Variants in DPP10 observed in about 807,000 individuals in gnomAD.
The protein encoded by DPP10 is dipeptidyl peptidase like 10.
Under a neutral mutation model 120.9 loss-of-function variants are expected in DPP10, and 33 were observed. The observed-to-expected ratio is 0.27, with a 90% CI of 0.21 to 0.37. DPP10 has a LOEUF of 0.37. Among genes scored for constraint, DPP10 ranks in the 10% least tolerant of loss-of-function variants. The probability of loss-of-function intolerance (pLI) is 1.00; values close to 1 mark genes in which losing one functional copy is unlikely to be tolerated. For synonymous variants in DPP10, 337 were observed against 326.1 expected (o/e 1.03, Z -0.36); for missense variants, 816 against 942.8 (o/e 0.87, Z 1.76).
intron 1 of DPP10, among the ~76,000 whole-genome samples, chr2:114,964,758 G>C (rs1171051724): frequency 3.9e-5 from 6 of 152,114 alleles, no homozygotes; most frequent in Non-Finnish European, 8.8e-5. Flanking sequence ...TGAAGGTTTT[G>C]GCTTTTCCTC....
At chr2:114,765,826 A>T (rs569061070) in intron 1 of DPP10, among the ~76,000 whole-genome samples, 1 of 152,264 alleles carries the variant, frequency 6.6e-6, no homozygotes, top group South Asian at 2.1e-4. Flanking sequence ...TTTGATTCAG[A>T]TCTACAAAGG....
At chr2:115,066,104 A>T (rs1706813004) in intron 1 of DPP10, among the ~76,000 whole-genome samples, 1 of 152,208 alleles carries the variant, frequency 6.6e-6, no homozygotes, top group Admixed American at 6.5e-5. Context: ...CCTAAGATAA[A>T]CATTAAATAT....
At chr2:114,485,199 A>G (rs1476834101) in intron 1 of DPP10, among the ~76,000 whole-genome samples, 1 of 152,154 alleles carries the variant, frequency 6.6e-6, no homozygotes, top group African/African-American at 2.4e-5. Flanking sequence ...TCAAAAGACA[A>G]AATTACAACA....
In DPP10 at chr2:115,492,434, G is replaced by C. The variant is rs1167333315; in HGVS notation, c.272-7076G>C. On this transcript the variant is annotated intron_variant, in intron 3 of 25. Transcript: ENST00000410059. ...GCATACTTTGTGATTAAGAGTTTAG[G>C]ATAGGTGAATTGAGGGATGTGAGTG... Among the ~76,000 whole-genome samples the C allele has an allele frequency of 2.6e-5, 4 of 152,048 alleles. No homozygotes were observed. In the South Asian group the frequency reaches 6.2e-4, roughly 24 times the overall value.
intron 5 of DPP10, among the ~76,000 whole-genome samples, chr2:115,629,057 C>T (rs531947664): frequency 2.3e-4 from 35 of 152,166 alleles, no homozygotes; most frequent in Non-Finnish European, 4.4e-4. Context: ...TGAGTGAGAA[C>T]ATGCGGTGTT....
chr2:115,316,461 G>A (rs981789890), intron 2 of DPP10, among the ~76,000 whole-genome samples: 1 of 152,076 alleles, frequency 6.6e-6, no homozygotes, highest in African/African-American at 2.4e-5. Context: ...AAAAGGGAAG[G>A]CATAGCAGAG....
intron 5 of DPP10, among the ~76,000 whole-genome samples, chr2:115,574,593 A>G (rs150889222): frequency 3.3e-5 from 5 of 152,294 alleles, no homozygotes; most frequent in African/African-American, 1.2e-4. Flanking sequence ...TGTGCTTCCA[A>G]ATTTGTACTA....
intron 5 of DPP10, among the ~76,000 whole-genome samples, chr2:115,609,319 C>G (rs2083929079): frequency 6.6e-6 from 1 of 151,860 alleles, no homozygotes; most frequent in Admixed American, 6.6e-5. Context: ...TCTCAGGAAA[C>G]TACTAGACAA....
At chr2:114,617,451 GAA>G (rs1377828317) in intron 1 of DPP10, among the ~76,000 whole-genome samples, 3 of 152,030 alleles carry the variant, frequency 2.0e-5, no homozygotes, top group Non-Finnish European at 2.9e-5. Flanking sequence ...TAAATTTGGA[GAA>G]AATATATTAA....
rs1706465613 is a variant in DPP10 at position 115,062,158 on chromosome 2, G to GTGTGTC, written c.61-247076_61-247075insCTGTGT. On this transcript the variant is annotated intron_variant, in intron 1 of 25. Transcript: ENST00000410059. ...TGTGTGTGTGTGTGTGTGTGTGTGT[G>GTGTGTC]TGTGTGTGTGTATGTGTGTGCATGG... Among the ~76,000 whole-genome samples the GTGTGTC allele has an allele frequency of 4.4e-5, 6 of 136,640 alleles. No homozygotes were observed. The South Asian group carries it at 8.8e-4, about 20-fold the overall frequency. 89.6% of individuals were successfully genotyped at this position (136,640 alleles called of 152,430 possible).
chr2:115,815,573 C>A, intron 20 of DPP10, 102 bp from the exon 21 acceptor site: 1 of 996,428 alleles, frequency 1.0e-6, no homozygotes. Flanking sequence ...TAAAGCATTT[C>A]TAGTCATTAG....
chr2:115,092,289 T>C (rs1573582076), intron 1 of DPP10, among the ~76,000 whole-genome samples: 1 of 152,202 alleles, frequency 6.6e-6, no homozygotes, highest in East Asian at 1.9e-4. Context: ...TTGTTCATTT[T>C]ATTGCTCATT....
chr2:115,748,687 G>T (rs896081999), intron 10 of DPP10, among the ~76,000 whole-genome samples: 3 of 151,994 alleles, frequency 2.0e-5, no homozygotes, highest in African/African-American at 7.2e-5. Context: ...GTTTATCACT[G>T]TAATAGAAAA....
chr2:114,643,962 T>A (rs1321753253), intron 1 of DPP10, among the ~76,000 whole-genome samples: 1 of 142,928 alleles, frequency 7.0e-6, no homozygotes, highest in East Asian at 2.1e-4. Flanking sequence ...TGAGACAGAG[T>A]CTTGCGTTGT....
chr2:115,376,471 A>C (rs1443754803), intron 3 of DPP10, among the ~76,000 whole-genome samples: 1 of 151,854 alleles, frequency 6.6e-6, no homozygotes, highest in African/African-American at 2.4e-5. Flanking sequence ...TGCTCTTCCA[A>C]GATGGCATTC....
At chr2:114,879,810 T>A (rs977910804) in intron 1 of DPP10, among the ~76,000 whole-genome samples, 1 of 152,124 alleles carries the variant, frequency 6.6e-6, no homozygotes, top group Non-Finnish European at 1.5e-5. Flanking sequence ...CCACTTCCTC[T>A]CACTGACAGG....
At chr2:115,573,716 C>T (rs190264921) in intron 5 of DPP10, among the ~76,000 whole-genome samples, 20 of 149,264 alleles carry the variant, frequency 1.3e-4, no homozygotes, top group South Asian at 8.7e-4. Context: ...CCACCATGCC[C>T]AGCTGATCTT....
chr2:115,108,296 G>C (rs1018123254), intron 1 of DPP10, among the ~76,000 whole-genome samples: 1 of 152,170 alleles, frequency 6.6e-6, no homozygotes, highest in African/African-American at 2.4e-5. Context: ...GCAGAGGTTT[G>C]GTAGGTAATA....
chr2:115,789,963 CAT>C (rs1575782230), intron 17 of DPP10, among the ~76,000 whole-genome samples: 1 of 151,682 alleles, frequency 6.6e-6, no homozygotes, highest in Middle Eastern at 3.2e-3. Flanking sequence ...TTTCTACAGA[CAT>C]AGACTTGTAT....
Sources: allele counts gnomAD v4.1 joint callset (sites outside exome capture counted in the v4.1 genomes callset), GRCh38; gene constraint gnomAD v4.1.1; transcripts MANE v1.5; gene names NCBI Gene and HGNC (gene_info 2026-07-23, HGNC 2026-07-21).